MAP2K5: variants seen among roughly 807,000 people sequenced by gnomAD.
MAP2K5 encodes mitogen-activated protein kinase kinase 5.
Under a neutral mutation model 83.1 loss-of-function variants are expected in MAP2K5, and 49 were observed. The observed-to-expected ratio is 0.59, with a 90% CI of 0.47 to 0.75. The LOEUF (loss-of-function observed/expected upper bound fraction) is 0.75, where lower values mean the gene tolerates loss of function less well. Ranked by LOEUF, MAP2K5 falls within the 30% of genes least tolerant of loss-of-function variation. The pLI is 0.00. For synonymous variants in MAP2K5, 202 were observed against 191.8 expected, an observed-to-expected ratio of 1.05 and a Z score of -0.44; for missense variants, 457 against 557.5, an observed-to-expected ratio of 0.82 and a Z score of 1.82.
chr15:67,680,271 A>C lies in MAP2K5; in HGVS notation c.848-12208A>C, dbSNP rs80029644. 4.9e-3 allele frequency among the ~76,000 whole-genome samples: 749 copies of C among 152,324 alleles called. 20 individuals carry two copies. Among genetic ancestry groups the C allele is most frequent in the East Asian group, 0.034 (178 of 5,194 alleles). On this transcript the variant is annotated intron_variant, in intron 13 of 21. Transcript: ENST00000178640. ...ATCCACTTTGGGACGATTATGAATA[A>C]TACTACTTTTCATACACAAGTCTTT...
In MAP2K5 at chr15:67,785,245, C is replaced by T. The variant is rs1451262317; in HGVS notation, c.1242+12493C>T. The stretch of plus-strand genomic sequence containing the variant: ...CAGGTGTGAGCCACCGTGCCCGGCC[C>T]CGAACTGTTTCTTAAACACAGGAAG... On this transcript the variant is annotated intron_variant, in intron 21 of 21. Transcript: ENST00000178640. The surrounding 1 kb of genome is among the most constrained non-coding windows in gnomAD (Gnocchi z 4.4). Among the ~76,000 whole-genome samples the T allele has an allele frequency of 1.3e-5, 2 of 152,154 alleles. No homozygotes were observed. Among genetic ancestry groups the T allele is most frequent in the African/African-American group, 4.8e-5 (2 of 41,420 alleles).
intron 16 of MAP2K5, among the ~76,000 whole-genome samples, chr15:67,705,506 G>A (rs1426860553): frequency 6.6e-6 from 1 of 152,142 alleles, no homozygotes; most frequent in African/African-American, 2.4e-5. Context: ...AGGCTGAGGT[G>A]GGCAGATCAC....
At chr15:67,567,147 A>G (rs2140971735) in intron 3 of MAP2K5, among the ~76,000 whole-genome samples, 1 of 152,346 alleles carries the variant, frequency 6.6e-6, no homozygotes, top group South Asian at 2.1e-4. Context: ...GTCTCCAAGG[A>G]GATATTTAAT....
At position 67,634,759 on chromosome 15, in the gene MAP2K5, A is replaced by G. The variant is rs536250325; in HGVS notation, c.585+3832A>G. ...AGGCTTCATTTTGACAAGTGTTAGC[A>G]TGATATTTTTTTTTTTACTTTTAAC... On this transcript the variant is annotated intron_variant, in intron 9 of 21. Transcript: ENST00000178640. 1.1e-3 allele frequency among the ~76,000 whole-genome samples: 166 copies of G among 152,140 alleles called. 1 individual carries two copies. The highest frequency in any genetic ancestry group is 3.9e-3 in the African/African-American group (162 of 41,514).
rs556617540 is a variant in MAP2K5 at position 67,587,152 on chromosome 15, C to T, written c.431+239C>T. Reference sequence around the variant, plus strand: ...AAGAAGCAGAGAAGGGCGTTTCAGACGGAGGGAAGAGGGTAGGTGAAGGCC... The same window carrying T: ...AAGAAGCAGAGAAGGGCGTTTCAGATGGAGGGAAGAGGGTAGGTGAAGGCC... On this transcript the variant is annotated intron_variant, in intron 6 of 21. Coordinates refer to ENST00000178640, the MANE Select transcript of MAP2K5 (RefSeq NM_145160.3). The surrounding 1 kb of genome is among the most constrained non-coding windows in gnomAD (Gnocchi z 4.8). 1.5e-4 allele frequency among the ~76,000 whole-genome samples: 23 copies of T among 152,070 alleles called. No individual in the cohort carries two copies. Among genetic ancestry groups the T allele is most frequent in the African/African-American group, 3.9e-4 (16 of 41,450 alleles).
At chr15:67,710,052 G>T (rs1040837969) in intron 16 of MAP2K5, among the ~76,000 whole-genome samples, 3 of 152,200 alleles carry the variant, frequency 2.0e-5, no homozygotes, top group Admixed American at 2.0e-4. Context: ...TTTAGAGGCA[G>T]AGTCTTGCTA....
In MAP2K5 at chr15:67,748,370, G is replaced by A; in HGVS notation, c.1101+113G>A. The A allele has an allele frequency of 4.0e-6, 4 of 1,006,966 alleles. No individual in the cohort carries two copies. The South Asian group carries it at 5.7e-5, about 14-fold the overall frequency. The allele number at this position is 1,006,966 out of a possible 1,614,324, so 62.4% of individuals were successfully genotyped here. A position where few individuals can be genotyped will look rare whatever the true frequency, so the allele number is the denominator to read the frequency against. ...TAGCAAATTGCATTTTGAAGAAAAT[G>A]CAAACCTTTAACTGCCTGTATTAGA... On this transcript the variant is annotated intron_variant, in intron 18 of 21. Coordinates refer to ENST00000178640, the MANE Select transcript of MAP2K5 (RefSeq NM_145160.3). This position sits in a 1 kb window ranked among gnomAD's most constrained non-coding sequence, Gnocchi z 4.0.
At position 67,802,406 on chromosome 15, in the gene MAP2K5, C is replaced by A. The variant is rs936240319; in HGVS notation, c.1243-4240C>A. 3.3e-5 allele frequency among the ~76,000 whole-genome samples: 5 copies of A among 152,246 alleles called. No homozygotes were observed. In the East Asian group the frequency reaches 5.8e-4, roughly 18 times the overall value. ...GGTGATGCCGGCACCTCCCGACTCTCCCCTGTGTCCCACTTTTGGAGTCAT... is the reference window on the plus strand; with the variant it reads ...GGTGATGCCGGCACCTCCCGACTCTACCCTGTGTCCCACTTTTGGAGTCAT... On this transcript the variant is annotated intron_variant, in intron 21 of 21. Coordinates refer to ENST00000178640, the MANE Select transcript of MAP2K5 (RefSeq NM_145160.3). The surrounding 1 kb of genome is among the most constrained non-coding windows in gnomAD (Gnocchi z 5.0).
chr15:67,650,222 G>A (rs567444870), intron 11 of MAP2K5, among the ~76,000 whole-genome samples: 1 of 151,882 alleles, frequency 6.6e-6, no homozygotes, highest in African/African-American at 2.4e-5. Context: ...AGCTTTTTGT[G>A]GATTCCTTAG....
chr15:67,642,052 A>T (rs781020619), intron 9 of MAP2K5, among the ~76,000 whole-genome samples: 2 of 152,154 alleles, frequency 1.3e-5, no homozygotes, highest in African/African-American at 2.4e-5. Context: ...AATCTCCTCT[A>T]TTCTAGACTA....
At position 67,769,851 on chromosome 15, in the gene MAP2K5, G is replaced by A; in HGVS notation, c.1196+188G>A. The A allele has an allele frequency of 1.8e-6, 1 of 563,094 alleles. No individual in the cohort carries two copies. The highest frequency in any genetic ancestry group is 3.1e-6 in the Non-Finnish European group (1 of 320,052). The allele number at this position is 563,094 out of a possible 1,614,324, so 34.9% of individuals were successfully genotyped here. ...ATTATGTAAACGTTATTTACACAAAGGGTCATAAGCATACTTCAGAGCCTT... is the reference window on the plus strand; with the variant it reads ...ATTATGTAAACGTTATTTACACAAAAGGTCATAAGCATACTTCAGAGCCTT... On this transcript the variant is annotated intron_variant, in intron 20 of 21. Transcript: ENST00000178640. This position sits in a 1 kb window ranked among gnomAD's most constrained non-coding sequence, Gnocchi z 5.2.
rs547018169 is a variant in MAP2K5, at chr15:67,690,682, C to T, written c.848-1797C>T. The stretch of plus-strand genomic sequence containing the variant: ...CCGAGTAGCTGAGATTACAGGTGTC[C>T]GCCACCACGCCCGGCTAATTTTTGT... On this transcript the variant is annotated intron_variant, in intron 13 of 21. Transcript: ENST00000178640. This position sits in a 1 kb window ranked among gnomAD's most constrained non-coding sequence, Gnocchi z 4.3. Among the ~76,000 whole-genome samples, 30 of 151,922 alleles carry T rather than the reference C, an allele frequency of 2.0e-4. No homozygotes were observed. Among genetic ancestry groups the T allele is most frequent in the East Asian group, 7.8e-4 (4 of 5,156 alleles).
In MAP2K5 at chr15:67,555,538, A is replaced by G. The variant is rs1482105822; in HGVS notation, c.184+5456A>G. 6.6e-6 allele frequency among the ~76,000 whole-genome samples: 1 copy of G among 152,226 alleles called. No individual in the cohort carries two copies. Among genetic ancestry groups the G allele is most frequent in the South Asian group, 2.1e-4 (1 of 4,830 alleles). ...GGAACTACTGAGACAAAGAATACCC[A>G]TATTTAAATTTCAATATCTATTACT... On this transcript the variant is annotated intron_variant, in intron 2 of 21. Transcript: ENST00000178640. This position sits in a 1 kb window ranked among gnomAD's most constrained non-coding sequence, Gnocchi z 5.2.
At position 67,790,395 on chromosome 15, in the gene MAP2K5, T is replaced by G. The variant is rs1415684397; in HGVS notation, c.1243-16251T>G. ...TTCCACAGAGCGCCCAAGGTCCCAT[T>G]GCATTATATCATGCAATAAAAATAC... On this transcript the variant is annotated intron_variant, in intron 21 of 21. Coordinates refer to ENST00000178640, the MANE Select transcript of MAP2K5 (RefSeq NM_145160.3). This position sits in a 1 kb window ranked among gnomAD's most constrained non-coding sequence, Gnocchi z 4.6. Among the ~76,000 whole-genome samples the G allele has an allele frequency of 6.6e-6, 1 of 152,232 alleles. No individual in the cohort carries two copies.
intron 13 of MAP2K5, among the ~76,000 whole-genome samples, chr15:67,667,988 TA>T (rs901861654): frequency 6.6e-6 from 1 of 152,182 alleles, no homozygotes; most frequent in African/African-American, 2.4e-5. Flanking sequence ...GTTAGTCTGG[TA>T]AAAGTTAGTT....
intron 4 of MAP2K5, among the ~76,000 whole-genome samples, chr15:67,583,244 A>G (rs1418695305): frequency 4.6e-5 from 7 of 152,220 alleles, no homozygotes; most frequent in Non-Finnish European, 1.5e-5. Flanking sequence ...AAAGGCATAT[A>G]TATTAAAATA....
At chr15:67,633,272 G>A (rs2086517062) in intron 9 of MAP2K5, among the ~76,000 whole-genome samples, 3 of 152,006 alleles carry the variant, frequency 2.0e-5, no homozygotes, top group Admixed American at 2.0e-4. Flanking sequence ...TTACTTTTTT[G>A]TTCCTTTTAT....
chr15:67,614,729 T>A (rs866150633), intron 8 of MAP2K5, among the ~76,000 whole-genome samples: 1 of 152,128 alleles, frequency 6.6e-6, no homozygotes, highest in Admixed American at 6.5e-5. Context: ...GGAAGAAATA[T>A]GGAGGTAGTG....
intron 13 of MAP2K5, among the ~76,000 whole-genome samples, chr15:67,666,449 A>G (rs1306009107): frequency 6.6e-6 from 1 of 152,146 alleles, no homozygotes; most frequent in African/African-American, 2.4e-5. Flanking sequence ...CTTGATAGAC[A>G]TGTTTCAGAT....
Sources: allele counts gnomAD v4.1 joint callset (sites outside exome capture counted in the v4.1 genomes callset), GRCh38; gene constraint gnomAD v4.1.1; non-coding constraint Gnocchi (gnomAD v3.1); transcripts MANE v1.5; gene names NCBI Gene and HGNC (gene_info 2026-07-23, HGNC 2026-07-21).